ASIC1: variants seen among roughly 807,000 people sequenced by gnomAD.
ASIC1 encodes the protein acid sensing ion channel subunit 1.
A neutral mutation model predicts 63.4 loss-of-function variants in ASIC1; 21 were observed. That is an observed-to-expected ratio of 0.33 (90% CI 0.23 to 0.48). The LOEUF is 0.48. Among genes scored for constraint, ASIC1 ranks in the 20% least tolerant of loss-of-function variants. The pLI is 0.99. For synonymous variants in ASIC1, 258 were observed against 278.2 expected (o/e 0.93, Z 0.72); for missense variants, 478 against 695.5 (o/e 0.69, Z 3.52).
chr12:50,071,430 C>T (rs1477922099), intron 3 of ASIC1, among the ~76,000 whole-genome samples: 1 of 151,236 alleles, frequency 6.6e-6, no homozygotes, highest in Non-Finnish European at 1.5e-5. Context: ...GCACACCTGG[C>T]TAAATTTTTT....
chr12:50,060,781 G>A (rs979977510), intron 3 of ASIC1, among the ~76,000 whole-genome samples: 3 of 152,220 alleles, frequency 2.0e-5, no homozygotes, highest in Non-Finnish European at 2.9e-5. Context: ...AGATTCCTGA[G>A]GGTTAAGACC....
intron 3 of ASIC1, chr12:50,073,875 C>G: frequency 6.5e-7 from 1 of 1,533,100 alleles, no homozygotes; most frequent in Non-Finnish European, 8.7e-7. Context: ...TGGCCTTTGT[C>G]CTGGCACTGG....
chr12:50,077,490 C>T (rs1950668579), intron 4 of ASIC1, 127 bp downstream of exon 4: 1 of 1,328,430 alleles, frequency 7.5e-7, no homozygotes, highest in Non-Finnish European at 1.0e-6. Flanking sequence ...AGCATCTCAC[C>T]ATCTCTATCA....
rs779282764 is a variant in ASIC1, at chr12:50,077,982, C to T, written c.710-18C>T. 3 of 1,600,810 alleles carry T rather than the reference C, an allele frequency of 1.9e-6. No homozygotes were observed. Among genetic ancestry groups the T allele is most frequent in the Admixed American group, 1.7e-5 (1 of 58,722 alleles). On this transcript the variant is annotated intron_variant, in intron 4 of 11. Coordinates refer to ENST00000447966, the MANE Select transcript of ASIC1 (RefSeq NM_001095.4). ...GAGTCAGGAGCCCTCCCAACCCACA[C>T]ACTCCTCATTCCCCTAGACGAGACG... is the stretch of plus-strand genomic sequence containing the variant.
intron 8 of ASIC1, 158 bp downstream of exon 8, chr12:50,080,213 G>A: frequency 1.9e-6 from 2 of 1,027,564 alleles, no homozygotes; most frequent in South Asian, 1.7e-5. Flanking sequence ...GGTATGCAGG[G>A]AAGATCAAGC....
At chr12:50,065,119 A>C (rs1231248103) in intron 3 of ASIC1, among the ~76,000 whole-genome samples, 2 of 152,170 alleles carry the variant, frequency 1.3e-5, no homozygotes, top group Non-Finnish European at 2.9e-5. Flanking sequence ...TCCCCAGCTA[A>C]CTAAATCAAC....
At chr12:50,069,184 G>T (rs952277721) in intron 3 of ASIC1, among the ~76,000 whole-genome samples, 3 of 146,554 alleles carry the variant, frequency 2.0e-5, no homozygotes, top group Non-Finnish European at 4.6e-5. Flanking sequence ...AAGCGCTAGT[G>T]CGCACGTGCA....
At chr12:50,076,940 A>C (rs748244417) in intron 3 of ASIC1, 4 of 597,950 alleles carry the variant, frequency 6.7e-6, no homozygotes, top group African/African-American at 5.5e-5. Flanking sequence ...GCCATTACCA[A>C]TACCTCCCAA....
chr12:50,072,148 A>C (rs1950605872), intron 3 of ASIC1, among the ~76,000 whole-genome samples: 1 of 152,174 alleles, frequency 6.6e-6, no homozygotes, highest in South Asian at 2.1e-4. Context: ...CAAATGGAGA[A>C]GGGAAGATGG....
At chr12:50,072,441 G>C (rs1459988619) in intron 3 of ASIC1, among the ~76,000 whole-genome samples, 1 of 152,102 alleles carries the variant, frequency 6.6e-6, no homozygotes. Flanking sequence ...CCAGGGGCCT[G>C]GGGGCAGGGA....
In ASIC1 at chr12:50,074,571, C is replaced by T. The variant is rs1364009331; in HGVS notation, c.559-2642C>T. On this transcript the variant is annotated intron_variant, in intron 3 of 11. Coordinates refer to ENST00000447966, the MANE Select transcript of ASIC1 (RefSeq NM_001095.4). The surrounding 1 kb of genome is among the most constrained non-coding windows in gnomAD (Gnocchi z 4.2). ...GACTTCCTCATGGTCCAGCAGGGCC[C>T]GGGACCTTGCTCCATCTGTGAGGTC... Among the ~76,000 whole-genome samples, 2 of 152,196 alleles carry T rather than the reference C, an allele frequency of 1.3e-5. No homozygotes were observed. Among genetic ancestry groups the T allele is most frequent in the Non-Finnish European group, 2.9e-5 (2 of 68,034 alleles).
At chr12:50,080,856 AG>A (rs1950708359) in intron 9 of ASIC1, 1 of 884,500 alleles carries the variant, frequency 1.1e-6, no homozygotes, top group African/African-American at 1.7e-5. Flanking sequence ...CTAAACTAAG[AG>A]GGTTGTGGTA....
At chr12:50,081,471 C>A in intron 11 of ASIC1, 74 bp from the exon 12 acceptor site, 2 of 914,036 alleles carry the variant, frequency 2.2e-6, no homozygotes, top group Non-Finnish European at 3.2e-6. Flanking sequence ...CTCTCCTTTG[C>A]CTCCCGAATG....
At chr12:50,072,498 C>T (rs972381070) in intron 3 of ASIC1, among the ~76,000 whole-genome samples, 8 of 152,030 alleles carry the variant, frequency 5.3e-5, no homozygotes, top group African/African-American at 1.7e-4. Context: ...GGCCGGGAGT[C>T]TGCAAGGCTG....
Position 50,083,367 on chromosome 12 carries a change from C to T in ASIC1, c.*1718C>T, listed in dbSNP as rs745936432. On this transcript the variant is annotated 3_prime_UTR_variant, in exon 12 of 12. Coordinates refer to ENST00000447966, the MANE Select transcript of ASIC1 (RefSeq NM_001095.4). ...GAGCCCCAACCCCTCTTCAGGCCTT[C>T]CTTCCCTAGCTGTGTCTTGGTCTTC... 6.6e-6 allele frequency: 1 copy of T among 152,410 alleles called. No individual in the cohort carries two copies. The highest frequency in any genetic ancestry group is 1.5e-5 in the Non-Finnish European group (1 of 68,092). 9.4% of individuals were successfully genotyped at this position (152,410 alleles called of 1,614,324 possible).
rs376276861 is a variant in ASIC1 at position 50,074,860 on chromosome 12, C to CTGTG, written c.559-2309_559-2306dup. 0.022 allele frequency among the ~76,000 whole-genome samples: 3,062 copies of CTGTG among 141,448 alleles called. 67 individuals are homozygous for CTGTG. Among genetic ancestry groups the CTGTG allele is most frequent in the East Asian group, 0.046 (211 of 4,550 alleles). 92.8% of individuals were successfully genotyped at this position (141,448 alleles called of 152,430 possible). On this transcript the variant is annotated intron_variant, in intron 3 of 11. Transcript: ENST00000447966. This position sits in a 1 kb window ranked among gnomAD's most constrained non-coding sequence, Gnocchi z 4.2. ...TATGGACGCCCCACCCCCACCAGCTCTGTGTGTGTGTGTGTGTGTGTGTGT... is the reference window on the plus strand; with the variant it reads ...TATGGACGCCCCACCCCCACCAGCTCTGTGTGTGTGTGTGTGTGTGTGTGTGTGT...
At chr12:50,069,097 C>A (rs1001535319) in intron 3 of ASIC1, among the ~76,000 whole-genome samples, 1 of 151,542 alleles carries the variant, frequency 6.6e-6, no homozygotes, top group African/African-American at 2.4e-5. Flanking sequence ...ACACTTGCCC[C>A]TTCTCATCTC....
At position 50,078,806 on chromosome 12, in the gene ASIC1, C is replaced by T. The variant is rs934139014; in HGVS notation, c.995-118C>T. On this transcript the variant is annotated intron_variant, in intron 6 of 11. Transcript: ENST00000447966. The surrounding 1 kb of genome is among the most constrained non-coding windows in gnomAD (Gnocchi z 6.0). ...GGTCACTTCTGGGGCAGCATGGGGG[C>T]CTGCCAGTCCTCCCTTCCCATCTTC... 3.0e-6 allele frequency: 4 copies of T among 1,348,902 alleles called. No individual in the cohort carries two copies. The highest frequency in any genetic ancestry group is 4.2e-6 in the Non-Finnish European group (4 of 943,386). 83.6% of individuals were successfully genotyped at this position (1,348,902 alleles called of 1,614,324 possible). A position where few individuals can be genotyped will look rare whatever the true frequency, so the allele number is the denominator to read the frequency against.
At chr12:50,071,470 G>A (rs1158250809) in intron 3 of ASIC1, among the ~76,000 whole-genome samples, 1 of 151,104 alleles carries the variant, frequency 6.6e-6, no homozygotes, top group East Asian at 1.9e-4. Flanking sequence ...TTTTAGTAGA[G>A]ACAGGGTTTC....
Sources: gnomAD v4.1 joint callset for allele counts (sites outside exome capture counted in the v4.1 genomes callset) on GRCh38, gnomAD v4.1.1 for gene constraint, Gnocchi (gnomAD v3.1) non-coding constraint, MANE v1.5 for transcripts, NCBI Gene and HGNC (gene_info 2026-07-23, HGNC 2026-07-21) for gene names.